ABCA8: variants seen among roughly 807,000 people sequenced by gnomAD.
ABCA8 encodes the protein ATP binding cassette subfamily A member 8, also known as ABC-type organic anion transporter ABCA8.
Under a neutral mutation model 192.3 loss-of-function variants are expected in ABCA8, and 177 were observed. That is an observed-to-expected ratio of 0.92 (90% CI 0.81 to 1.04). The LOEUF is 1.04. Among genes scored for constraint, ABCA8 ranks in the 50% least tolerant of loss-of-function variants. The pLI, the probability that ABCA8 is intolerant of heterozygous loss-of-function variation, is 0.00. For missense variants in ABCA8, 1,915 were observed against 1,904.8 expected (o/e 1.01, Z -0.10); for synonymous variants, 642 against 690.2 (o/e 0.93, Z 1.09).
rs746372911 is a variant in ABCA8, at chr17:68,902,882, A to G, written c.2598-3T>C. The G allele has an allele frequency of 1.9e-6, 3 of 1,605,112 alleles. No homozygotes were observed. Among genetic ancestry groups the G allele is most frequent in the Non-Finnish European group, 2.6e-6 (3 of 1,175,356 alleles). ...ATCCAGCCATTAGAATTAATAGCCT[A>G]CACAAAAGAAAATTGCCAAAATGAA... is the stretch of plus-strand genomic sequence containing the variant. On this transcript the variant is annotated splice_region_variant and splice_polypyrimidine_tract_variant and intron_variant, in intron 20 of 39. Coordinates refer to ENST00000586539, the MANE Select transcript of ABCA8 (RefSeq NM_001288985.2).
intron 36 of ABCA8, 56 bp from the exon 37 acceptor site, chr17:68,875,456 T>C: frequency 1.9e-6 from 3 of 1,607,524 alleles, no homozygotes; most frequent in South Asian, 1.1e-5. Flanking sequence ...AGTATGTTGT[T>C]TGAGAAACTT....
intron 21 of ABCA8, among the ~76,000 whole-genome samples, chr17:68,899,104 G>T (rs11077801): frequency 1.3e-5 from 2 of 151,516 alleles, no homozygotes; most frequent in African/African-American, 4.8e-5. Context: ...ATAAAAAATC[G>T]TTAAAATAAT....
Position 68,884,365 on chromosome 17 carries a change from C to T in ABCA8, c.3581G>A (p.Arg1194Gln), listed in dbSNP as rs550451294. Residue 1194 changes from arginine (R) to glutamine (Q), a missense_variant, in exon 28 of 40, where the codon CGA becomes CAA. By Grantham distance (43) the Arg-to-Gln change is conservative. Coordinates refer to ENST00000586539, the MANE Select transcript of ABCA8 (RefSeq NM_001288985.2). ...LLFSSLFSEE[R>Q]MDVQPFLVFL... ...TACCAGAAATGGCTGTACATCCATT[C>T]GTTCTTCAGAAAAGAGAGAAGAAAA... is the stretch of plus-strand genomic sequence containing the variant. The T allele has an allele frequency of 2.3e-5, 37 of 1,590,794 alleles. No individual in the cohort carries two copies. The highest frequency in any genetic ancestry group is 2.3e-4 in the East Asian group (10 of 43,918).
intron 37 of ABCA8, 32 bp from the exon 38 acceptor site, chr17:68,869,811 A>G (rs768279337): frequency 2.7e-6 from 4 of 1,460,298 alleles, no homozygotes; most frequent in Non-Finnish European, 3.8e-6. Context: ...GAAGAGTGAT[A>G]CCACTTGTGC....
At position 68,868,030 on chromosome 17, in the gene ABCA8, A is replaced by G; in HGVS notation, c.*55T>C. ...AAAATAGAACATTGCTGCTATAAAA[A>G]TAAATGTATTTAAAAAAAACCACGG... On this transcript the variant is annotated 3_prime_UTR_variant, in exon 40 of 40. Transcript: ENST00000586539. 1 of 1,233,284 alleles carries G rather than the reference A, an allele frequency of 8.1e-7. No individual in the cohort carries two copies. The highest frequency in any genetic ancestry group is 1.1e-6 in the Non-Finnish European group (1 of 875,808). The allele number at this position is 1,233,284 out of a possible 1,614,324, so 76.4% of individuals were successfully genotyped here.
intron 5 of ABCA8, among the ~76,000 whole-genome samples, chr17:68,935,561 T>C (rs1168550420): frequency 6.9e-6 from 1 of 143,902 alleles, no homozygotes; most frequent in Non-Finnish European, 1.5e-5. Flanking sequence ...TATATATATA[T>C]ATATATATTA....
At position 68,875,680 on chromosome 17, in the gene ABCA8, G is replaced by A. The variant is rs2066184455; in HGVS notation, c.4424C>T (p.Thr1475Ile). ...GGCCTCAGCCTCTGCCATGTAGTGGGTGGTTAGGAGGGCACCCCTTTCCGT... is the reference window on the plus strand; with the variant it reads ...GGCCTCAGCCTCTGCCATGTAGTGGATGGTTAGGAGGGCACCCCTTTCCGT... ...RNTERGALLT[T>I]HYMAEAEAVC... The change falls in exon 36 of 40, where the codon ACC becomes ATC. Residue 1475 changes from threonine to isoleucine, a missense_variant. Physicochemically the swap from Thr to Ile is moderately conservative, Grantham distance 89. Coordinates refer to ENST00000586539, the MANE Select transcript of ABCA8 (RefSeq NM_001288985.2). The A allele has an allele frequency of 3.1e-6, 5 of 1,614,066 alleles. No homozygotes were observed. Among genetic ancestry groups the A allele is most frequent in the African/African-American group, 1.3e-5 (1 of 74,922 alleles).
At chr17:68,903,671 A>G (rs942310066) in intron 19 of ABCA8, among the ~76,000 whole-genome samples, 172 bp from the exon 20 acceptor site, 1 of 152,178 alleles carries the variant, frequency 6.6e-6, no homozygotes, top group Non-Finnish European at 1.5e-5. Flanking sequence ...TTCTTGAACA[A>G]AAGGGATAGA....
chr17:68,897,933 C>T (rs894737578), intron 21 of ABCA8, among the ~76,000 whole-genome samples: 1 of 152,092 alleles, frequency 6.6e-6, no homozygotes, highest in African/African-American at 2.4e-5. Context: ...AGAAAAACAA[C>T]CACTGAAGAA....
At position 68,886,966 on chromosome 17, in the gene ABCA8, A is replaced by G. The variant is rs181714542; in HGVS notation, c.3429+51T>C. The G allele has an allele frequency of 2.7e-5, 35 of 1,303,944 alleles. No individual in the cohort carries two copies. The Admixed American group carries it at 5.2e-4, about 19-fold the overall frequency. The allele number at this position is 1,303,944 out of a possible 1,614,324, so 80.8% of individuals were successfully genotyped here. A position where few individuals can be genotyped will look rare whatever the true frequency, so the allele number is the denominator to read the frequency against. On this transcript the variant is annotated intron_variant, in intron 26 of 39. Coordinates refer to ENST00000586539, the MANE Select transcript of ABCA8 (RefSeq NM_001288985.2). ...AGGGCAAAATTTAAAGGATTAGCTC[A>G]GAATTGTATATCAAATATATACAGT...
chr17:68,943,541 T>C (rs2068293804), intron 2 of ABCA8, among the ~76,000 whole-genome samples: 1 of 152,230 alleles, frequency 6.6e-6, no homozygotes, highest in Non-Finnish European at 1.5e-5. Flanking sequence ...GCTACTTTCC[T>C]AATAATGAAA....
chr17:68,881,061 T>C (rs2066323777), intron 32 of ABCA8, 59 bp downstream of exon 32: 2 of 1,230,758 alleles, frequency 1.6e-6, no homozygotes, highest in African/African-American at 3.0e-5. Context: ...TTTAAGGTCA[T>C]CAAATCTTAT....
rs756545197 is a variant in ABCA8, at chr17:68,921,419, C to T, written c.1575G>A (p.Leu525=). 8 of 1,610,776 alleles carry T rather than the reference C, an allele frequency of 5.0e-6. No homozygotes were observed. Among genetic ancestry groups the T allele is most frequent in the East Asian group, 4.5e-5 (2 of 44,830 alleles). ...LGHSGAGKST[L]LNILSGLSVP... ...CAGACAACCCACTAAGAATGTTTAG[C>T]AGTGTTGACTTTCCAGCTCCACTGT... The change falls in exon 13 of 40, where the codon CTG becomes CTA. Residue 525 remains leucine (L), a synonymous_variant. Coordinates refer to ENST00000586539, the MANE Select transcript of ABCA8 (RefSeq NM_001288985.2).
intron 37 of ABCA8, among the ~76,000 whole-genome samples, chr17:68,874,128 G>C (rs1208144906): frequency 6.6e-6 from 1 of 152,168 alleles, no homozygotes; most frequent in Non-Finnish European, 1.5e-5. Context: ...AGTAGGTGCT[G>C]TCCAGATGAT....
chr17:68,871,612 T>G (rs1006792453), intron 37 of ABCA8, among the ~76,000 whole-genome samples: 6 of 152,194 alleles, frequency 3.9e-5, no homozygotes, highest in Admixed American at 1.3e-4. Flanking sequence ...TTTTTGCTAC[T>G]GGAGTTTAGG....
intron 17 of ABCA8, among the ~76,000 whole-genome samples, chr17:68,908,541 G>C (rs1226410663): frequency 6.6e-6 from 1 of 152,266 alleles, no homozygotes; most frequent in East Asian, 1.9e-4. Flanking sequence ...ATAGTAGTAA[G>C]TGCTATGAAG....
intron 18 of ABCA8, 95 bp from the exon 19 acceptor site, chr17:68,906,258 T>C: frequency 1.1e-6 from 1 of 894,364 alleles, no homozygotes; most frequent in Middle Eastern, 2.8e-4. Flanking sequence ...TATGAAACTA[T>C]ACTTGTGATA....
At position 68,922,240 on chromosome 17, in the gene ABCA8, AC is replaced by A; in HGVS notation, c.1501+1del. 3.4e-6 allele frequency: 1 copy of A among 290,456 alleles called. No individual in the cohort carries two copies. Among genetic ancestry groups the A allele is most frequent in the Non-Finnish European group, 5.0e-6 (1 of 198,314 alleles). The allele number at this position is 290,456 out of a possible 1,614,324, so 18.0% of individuals were successfully genotyped here. ...TTTTTTTTTTTTTTTTTTTTTTTTT[AC>A]CTTTCAAGGCTTCTATTTTATCAGG... is the stretch of plus-strand genomic sequence containing the variant. On this transcript the variant is annotated splice_donor_variant, in intron 12 of 39. Transcript: ENST00000586539. LOFTEE classifies it high-confidence loss of function.
At chr17:68,892,059 G>A (rs2143391105) in intron 23 of ABCA8, among the ~76,000 whole-genome samples, 1 of 152,268 alleles carries the variant, frequency 6.6e-6, no homozygotes, top group East Asian at 1.9e-4. Context: ...CGCAAAAGGA[G>A]AGATGAAGTA....
Sources: allele counts gnomAD v4.1 joint callset (sites outside exome capture counted in the v4.1 genomes callset), GRCh38; gene constraint gnomAD v4.1.1; transcripts MANE v1.5; gene names NCBI Gene and HGNC (gene_info 2026-07-23, HGNC 2026-07-21).